Variants in SPATS2 observed in about 807,000 individuals in gnomAD.
SPATS2 encodes the protein spermatogenesis-associated serine-rich protein 2.
SPATS2 carries 38 observed loss-of-function variants against 63.7 expected under a neutral mutation model. The ratio of observed to expected loss-of-function variants is 0.60; its 90% CI spans 0.46 to 0.78. The LOEUF is 0.78. SPATS2 is among the 30% of genes least tolerant of loss of function. The pLI, the probability that SPATS2 is intolerant of heterozygous loss-of-function variation, is 0.00. For missense variants in SPATS2, 588 were observed against 666.2 expected (o/e 0.88, Z 1.29); for synonymous variants, 207 against 232.9 (o/e 0.89, Z 1.01).
At chr12:49,395,135 A>C (rs1435509031) in intron 2 of SPATS2, among the ~76,000 whole-genome samples, 4 of 151,866 alleles carry the variant, frequency 2.6e-5, no homozygotes, top group Admixed American at 6.6e-5. Context: ...GATTCCTTTT[A>C]ATTTTTAATT....
At chr12:49,441,070 T>C (rs1945409732) in intron 2 of SPATS2, among the ~76,000 whole-genome samples, 1 of 152,236 alleles carries the variant, frequency 6.6e-6, no homozygotes, top group Non-Finnish European at 1.5e-5. Flanking sequence ...TGGTGTTTGC[T>C]ATGTACAAGC....
intron 9 of SPATS2, among the ~76,000 whole-genome samples, chr12:49,509,273 CTTT>C (rs1186617900): frequency 5.1e-5 from 4 of 77,802 alleles, no homozygotes; most frequent in African/African-American, 1.9e-4. Context: ...GTTCTAACTT[CTTT>C]TTTTTTTTTT....
At chr12:49,428,254 C>CA (rs1190698122) in intron 2 of SPATS2, among the ~76,000 whole-genome samples, 1 of 140,160 alleles carries the variant, frequency 7.1e-6, no homozygotes, top group African/African-American at 2.7e-5. Flanking sequence ...GACCCCGTCT[C>CA]AAAAAACAAA....
chr12:49,373,130 G>A (rs1431397570), intron 2 of SPATS2, among the ~76,000 whole-genome samples: 4 of 151,982 alleles, frequency 2.6e-5, no homozygotes, highest in South Asian at 2.1e-4. Flanking sequence ...GTGCCACCAC[G>A]CCCAGCTAAT....
intron 5 of SPATS2, chr12:49,490,437 CTCT>C: frequency 2.1e-6 from 1 of 470,554 alleles, no homozygotes; most frequent in Non-Finnish European, 3.8e-6. Context: ...CTACATTAGT[CTCT>C]TCTTAGAAGA....
intron 10 of SPATS2, among the ~76,000 whole-genome samples, chr12:49,515,273 C>G (rs1171537899): frequency 6.6e-6 from 1 of 152,186 alleles, no homozygotes; most frequent in Non-Finnish European, 1.5e-5. Flanking sequence ...TACACGAAGA[C>G]AAGGGAATAC....
At chr12:49,466,795 A>G (rs1478083986) in intron 3 of SPATS2, among the ~76,000 whole-genome samples, 3 of 152,210 alleles carry the variant, frequency 2.0e-5, no homozygotes, top group African/African-American at 7.2e-5. Flanking sequence ...ACATTTACAT[A>G]CAAAATTTAG....
chr12:49,470,141 C>T (rs910134851), intron 3 of SPATS2, among the ~76,000 whole-genome samples: 1 of 151,974 alleles, frequency 6.6e-6, no homozygotes, highest in Non-Finnish European at 1.5e-5. Context: ...AAGTGATTCT[C>T]CTGTCTCAGC....
At chr12:49,474,535 A>G (rs1422604467) in intron 3 of SPATS2, among the ~76,000 whole-genome samples, 1 of 152,242 alleles carries the variant, frequency 6.6e-6, no homozygotes, top group Non-Finnish European at 1.5e-5. Flanking sequence ...GGAATATCCA[A>G]AACAAAGTCT....
At chr12:49,476,775 C>T (rs1416581406) in intron 3 of SPATS2, among the ~76,000 whole-genome samples, 1 of 152,284 alleles carries the variant, frequency 6.6e-6, no homozygotes, top group East Asian at 1.9e-4. Flanking sequence ...GGGATTATTA[C>T]CAGAACAAAC....
chr12:49,478,160 A>G lies in SPATS2; in HGVS notation c.26-6430A>G, dbSNP rs1333587973. Among the ~76,000 whole-genome samples, 3 of 151,644 alleles carry G rather than the reference A, an allele frequency of 2.0e-5. No individual in the cohort carries two copies. The East Asian group carries it at 5.8e-4, about 29-fold the overall frequency. The stretch of plus-strand genomic sequence containing the variant: ...TGCCCAGCTACTTTTTAAATTTTTT[A>G]TAGAAATGGGGACTAGCTGTGTTGC... On this transcript the variant is annotated intron_variant, in intron 3 of 13. Coordinates refer to ENST00000552918, the MANE Select transcript of SPATS2 (RefSeq NM_023071.4).
chr12:49,444,483 T>A (rs1945477698), intron 2 of SPATS2, among the ~76,000 whole-genome samples: 1 of 152,204 alleles, frequency 6.6e-6, no homozygotes, highest in Non-Finnish European at 1.5e-5. Flanking sequence ...CCTCCCAAAG[T>A]GCTTGGATTA....
chr12:49,469,489 G>A, intron 3 of SPATS2: 2 of 395,812 alleles, frequency 5.1e-6, no homozygotes, highest in South Asian at 1.8e-5. Context: ...AAGCCTGGGA[G>A]TTTGAGGCCA....
chr12:49,520,279 G>A (rs186921680), intron 11 of SPATS2, among the ~76,000 whole-genome samples: 26 of 151,722 alleles, frequency 1.7e-4, no homozygotes, highest in African/African-American at 4.6e-4. Flanking sequence ...CACGCCCAGC[G>A]GCTAATTTTT....
At chr12:49,486,637 T>C (rs1946298662) in intron 4 of SPATS2, among the ~76,000 whole-genome samples, 1 of 152,168 alleles carries the variant, frequency 6.6e-6, no homozygotes, top group Non-Finnish European at 1.5e-5. Flanking sequence ...ATGGTTTTTT[T>C]ATTTTTTGAA....
At chr12:49,396,586 T>G (rs546499125) in intron 2 of SPATS2, among the ~76,000 whole-genome samples, 5 of 152,302 alleles carry the variant, frequency 3.3e-5, no homozygotes, top group African/African-American at 1.2e-4. Flanking sequence ...CAGCTTGGGG[T>G]CCCTCTACCA....
intron 6 of SPATS2, among the ~76,000 whole-genome samples, chr12:49,492,483 A>C (rs925212214): frequency 6.6e-6 from 1 of 152,138 alleles, no homozygotes; most frequent in African/African-American, 2.4e-5. Context: ...TGGCCTCCCA[A>C]AGTGCTGGAA....
In SPATS2 at chr12:49,522,800, G is replaced by A. The variant is rs746773449; in HGVS notation, c.1058G>A (p.Arg353Gln). The A allele has an allele frequency of 1.4e-5, 23 of 1,613,642 alleles. No homozygotes were observed. The highest frequency in any genetic ancestry group is 1.7e-5 in the Admixed American group (1 of 59,986). Residue 353 changes from arginine (R) to glutamine (Q), a missense_variant, in exon 12 of 14, where the codon CGG becomes CAG. By Grantham distance (43) the Arg-to-Gln change is conservative (BLOSUM62 1). Transcript: ENST00000552918. ...KYDEDLGRVARFTCDVETLKK... is the reference protein window; with the variant it reads ...KYDEDLGRVAQFTCDVETLKK... The stretch of plus-strand genomic sequence containing the variant: ...GATGAGGATCTGGGACGAGTAGCCC[G>A]GTTCACCTGTGATGTAGAGACCCTA...
At chr12:49,404,886 G>T (rs1391661256) in intron 2 of SPATS2, among the ~76,000 whole-genome samples, 1 of 151,750 alleles carries the variant, frequency 6.6e-6, no homozygotes, top group African/African-American at 2.4e-5. Context: ...GTGGTTGAAA[G>T]AATAAAAAGG....
Sources: allele counts gnomAD v4.1 joint callset (sites outside exome capture counted in the v4.1 genomes callset), GRCh38; gene constraint gnomAD v4.1.1; transcripts MANE v1.5; gene names NCBI Gene and HGNC (gene_info 2026-07-23, HGNC 2026-07-21).